Variants in RABGAP1L observed in about 807,000 individuals in gnomAD.
RABGAP1L encodes rab GTPase-activating protein 1-like.
A neutral mutation model predicts 137.7 loss-of-function variants in RABGAP1L; 63 were observed. The ratio of observed to expected loss-of-function variants is 0.46; its 90% confidence interval spans 0.37 to 0.56. The LOEUF (loss-of-function observed/expected upper bound fraction) is 0.56, where lower values mean the gene tolerates loss of function less well. RABGAP1L is among the 20% of genes least tolerant of loss of function. RABGAP1L has a pLI of 0.00. For missense variants in RABGAP1L, 1,095 were observed against 1,244.0 expected (o/e 0.88, Z 1.80); for synonymous variants, 431 against 433.7 (o/e 0.99, Z 0.08).
chr1:174,712,475 A>G (rs1680631413), intron 17 of RABGAP1L, among the ~76,000 whole-genome samples: 1 of 152,214 alleles, frequency 6.6e-6, no homozygotes, highest in Non-Finnish European at 1.5e-5. Flanking sequence ...TTCTGAAGCC[A>G]GCGAGACCAC....
chr1:174,484,059 G>A (rs545972250), intron 13 of RABGAP1L, among the ~76,000 whole-genome samples: 3 of 152,044 alleles, frequency 2.0e-5, no homozygotes, highest in South Asian at 2.1e-4. Context: ...CCACATCCTC[G>A]CCAGCATCTG....
intron 13 of RABGAP1L, among the ~76,000 whole-genome samples, chr1:174,611,605 A>G (rs1349740849): frequency 4.0e-5 from 6 of 150,792 alleles, no homozygotes. Flanking sequence ...AGTCATTGGT[A>G]GCTTGATGGG....
intron 13 of RABGAP1L, among the ~76,000 whole-genome samples, chr1:174,413,583 AT>A (rs1650193897): frequency 6.6e-6 from 1 of 151,742 alleles, no homozygotes; most frequent in Non-Finnish European, 1.5e-5. Flanking sequence ...GGTACTTCTA[AT>A]TTTTGTCATT....
chr1:174,656,985 C>G (rs974485348), intron 14 of RABGAP1L, among the ~76,000 whole-genome samples: 3 of 151,978 alleles, frequency 2.0e-5, no homozygotes, highest in Admixed American at 6.6e-5. Context: ...TCAGGACTTT[C>G]CTAATGCACA....
chr1:174,645,285 C>T lies in RABGAP1L; in HGVS notation c.1824+7797C>T, dbSNP rs183973739. On this transcript the variant is annotated intron_variant, in intron 14 of 25. Coordinates refer to ENST00000681986, the MANE Select transcript of RABGAP1L (RefSeq NM_001366446.1). ...TAAGTTCTGGGATATGTGTGCAGAG[C>T]ATGCAGGTTTGTTTCATAGGTATAG... is the stretch of plus-strand genomic sequence containing the variant. 9.9e-5 allele frequency among the ~76,000 whole-genome samples: 15 copies of T among 151,976 alleles called. No homozygotes were observed. In the East Asian group the frequency reaches 2.9e-3, roughly 29 times the overall value.
intron 19 of RABGAP1L, 62 bp downstream of exon 19, chr1:174,812,022 T>A: frequency 7.0e-7 from 1 of 1,426,510 alleles, no homozygotes; most frequent in Middle Eastern, 1.9e-4. Context: ...TATGACAAAT[T>A]ATGTAAAAAT....
At chr1:174,630,113 A>G (rs1190052927) in intron 13 of RABGAP1L, among the ~76,000 whole-genome samples, 1 of 151,350 alleles carries the variant, frequency 6.6e-6, no homozygotes, top group Non-Finnish European at 1.5e-5. Context: ...AGGGTTGTTG[A>G]ATTTTGTCAA....
chr1:174,716,286 A>G (rs552364319), intron 17 of RABGAP1L, among the ~76,000 whole-genome samples: 1 of 152,248 alleles, frequency 6.6e-6, no homozygotes, highest in Non-Finnish European at 1.5e-5. Flanking sequence ...ATTTTTAGAG[A>G]CAGGGTCTTG....
chr1:174,780,295 T>C (rs1029189428), intron 18 of RABGAP1L, among the ~76,000 whole-genome samples: 1 of 152,028 alleles, frequency 6.6e-6, no homozygotes, highest in Non-Finnish European at 1.5e-5. Flanking sequence ...TCTGCTCAGA[T>C]GGATGATTCC....
chr1:174,328,022 TATAC>T, intron 11 of RABGAP1L, among the ~76,000 whole-genome samples: 1 of 119,062 alleles, frequency 8.4e-6, no homozygotes, highest in Non-Finnish European at 1.7e-5. Context: ...TATATATATA[TATAC>T]CCAACATCAG....
At chr1:174,551,005 T>C (rs11801655) in intron 13 of RABGAP1L, among the ~76,000 whole-genome samples, 2 of 123,266 alleles carry the variant, frequency 1.6e-5, no homozygotes, top group Admixed American at 1.6e-4. Context: ...TACACATATA[T>C]ATATATATAT....
At chr1:174,705,043 T>C (rs995701958) in intron 17 of RABGAP1L, among the ~76,000 whole-genome samples, 1 of 152,134 alleles carries the variant, frequency 6.6e-6, no homozygotes, top group Non-Finnish European at 1.5e-5. Flanking sequence ...TTATATATAG[T>C]ATGAGCTTGC....
At chr1:174,320,085 G>A (rs903691059) in intron 11 of RABGAP1L, among the ~76,000 whole-genome samples, 11 of 152,114 alleles carry the variant, frequency 7.2e-5, no homozygotes, top group South Asian at 2.1e-4. Flanking sequence ...GAAAATAAAC[G>A]GTATGAAGGC....
intron 11 of RABGAP1L, among the ~76,000 whole-genome samples, chr1:174,313,187 G>A (rs1200352619): frequency 6.6e-6 from 1 of 152,102 alleles, no homozygotes; most frequent in African/African-American, 2.4e-5. Flanking sequence ...GCCTCCCAAA[G>A]TGCTGGGATT....
chr1:174,900,352 T>C (rs1657937847), intron 19 of RABGAP1L, among the ~76,000 whole-genome samples: 1 of 152,228 alleles, frequency 6.6e-6, no homozygotes, highest in African/African-American at 2.4e-5. Flanking sequence ...CATTGGTTAC[T>C]TGGCGTATAT....
At chr1:174,447,888 C>G (rs928958052) in intron 13 of RABGAP1L, among the ~76,000 whole-genome samples, 1 of 40,506 alleles carries the variant, frequency 2.5e-5, no homozygotes, top group East Asian at 1.1e-3. Flanking sequence ...CCACCCCTTA[C>G]CGCCCCCCCC....
intron 17 of RABGAP1L, among the ~76,000 whole-genome samples, chr1:174,713,588 T>C (rs1289085081): frequency 6.6e-6 from 1 of 152,206 alleles, no homozygotes; most frequent in Non-Finnish European, 1.5e-5. Flanking sequence ...TCTCTCACTG[T>C]ATGATGTGCT....
In RABGAP1L at chr1:174,305,123, A is replaced by G. The variant is rs1558116738; in HGVS notation, c.1461A>G (p.Glu487=). The change falls in exon 11 of 26, where the codon GAA becomes GAG. Residue 487 remains glutamate (E), a synonymous_variant. Transcript: ENST00000681986. ...TGTCACCCCAGGATGATGAAGCAGAAGAGGGTAAGAAGTTGGACTTACTCA... is the reference window on the plus strand; with the variant it reads ...TGTCACCCCAGGATGATGAAGCAGAGGAGGGTAAGAAGTTGGACTTACTCA... ...GPMSPQDDEA[E]EESDNELSSG... The G allele has an allele frequency of 2.0e-6, 3 of 1,530,402 alleles. No homozygotes were observed. The highest frequency in any genetic ancestry group is 1.4e-5 in the African/African-American group (1 of 69,346). 94.8% of individuals were successfully genotyped at this position (1,530,402 alleles called of 1,614,324 possible).
At chr1:174,201,673 T>A (rs548199493) in intron 1 of RABGAP1L, among the ~76,000 whole-genome samples, 1 of 152,192 alleles carries the variant, frequency 6.6e-6, no homozygotes, top group South Asian at 2.1e-4. Context: ...AATTATACTT[T>A]AAGTTTTAGG....
Sources: allele counts gnomAD v4.1 joint callset (sites outside exome capture counted in the v4.1 genomes callset), GRCh38; gene constraint gnomAD v4.1.1; transcripts MANE v1.5; gene names NCBI Gene and HGNC (gene_info 2026-07-23, HGNC 2026-07-21).